The following MIPOL1 variants were observed in gnomAD, a reference collection of about 807,000 sequenced individuals.
The protein encoded by MIPOL1 is mirror-image polydactyly gene 1 protein.
A neutral mutation model predicts 60.9 loss-of-function variants in MIPOL1; 57 were observed. The observed-to-expected ratio is 0.94, with a 90% CI of 0.76 to 1.17. MIPOL1 has a LOEUF of 1.17. Ranked by LOEUF, MIPOL1 falls within the 50% of genes most tolerant of loss-of-function variation. The pLI is 0.00. For missense variants in MIPOL1, 551 were observed against 511.6 expected, an observed-to-expected ratio of 1.08 and a Z score of -0.74; for synonymous variants, 179 against 168.8, an observed-to-expected ratio of 1.06 and a Z score of -0.47.
intron 9 of MIPOL1, among the ~76,000 whole-genome samples, chr14:37,363,864 C>T (rs2092376397): frequency 6.6e-6 from 1 of 152,192 alleles, no homozygotes; most frequent in South Asian, 2.1e-4. Context: ...CCCAGCCAAG[C>T]TGCAGCCTCA....
intron 1 of MIPOL1, among the ~76,000 whole-genome samples, chr14:37,222,537 A>G (rs1223272595): frequency 6.6e-6 from 1 of 152,082 alleles, no homozygotes; most frequent in Admixed American, 6.5e-5. Flanking sequence ...TCTGCCTTCC[A>G]TAAAGCCTTT....
intron 11 of MIPOL1, among the ~76,000 whole-genome samples, chr14:37,437,974 C>G (rs953012219): frequency 6.6e-6 from 1 of 151,974 alleles, no homozygotes. Flanking sequence ...ACACAATATG[C>G]AATCATTTGA....
chr14:37,321,476 A>G (rs1290104036), intron 9 of MIPOL1, among the ~76,000 whole-genome samples: 1 of 152,008 alleles, frequency 6.6e-6, no homozygotes, highest in Non-Finnish European at 1.5e-5. Flanking sequence ...TTCAATCCTT[A>G]GAAATTTTTT....
At chr14:37,452,253 A>G (rs538817621) in intron 11 of MIPOL1, among the ~76,000 whole-genome samples, 1 of 152,348 alleles carries the variant, frequency 6.6e-6, no homozygotes, top group East Asian at 1.9e-4. Context: ...AGTGTTATTA[A>G]TATCTTAAAA....
At chr14:37,545,696 A>G in intron 12 of MIPOL1, 1 of 651,238 alleles carries the variant, frequency 1.5e-6, no homozygotes, top group Non-Finnish European at 2.8e-6. Flanking sequence ...CATCCAATAA[A>G]CTTCAGCTAG....
At chr14:37,209,513 A>G (rs1199463715) in intron 1 of MIPOL1, among the ~76,000 whole-genome samples, 1 of 151,804 alleles carries the variant, frequency 6.6e-6, no homozygotes, top group Non-Finnish European at 1.5e-5. Flanking sequence ...TACAAAAATT[A>G]CCTGGGCATG....
chr14:37,425,775 A>G (rs868622036), intron 11 of MIPOL1, among the ~76,000 whole-genome samples: 6 of 152,212 alleles, frequency 3.9e-5, no homozygotes, highest in Non-Finnish European at 5.9e-5. Context: ...AAGATTTCCC[A>G]TAGGAAAAAA....
chr14:37,498,337 C>G (rs2095164582), intron 11 of MIPOL1, among the ~76,000 whole-genome samples: 1 of 152,076 alleles, frequency 6.6e-6, no homozygotes. Context: ...TAAAATATAA[C>G]TAATGTTTTA....
chr14:37,204,722 G>A (rs770340820), intron 1 of MIPOL1, among the ~76,000 whole-genome samples: 11 of 152,010 alleles, frequency 7.2e-5, no homozygotes, highest in Admixed American at 2.6e-4. Context: ...GCGTGAAAAC[G>A]GACTAACACA....
intron 11 of MIPOL1, among the ~76,000 whole-genome samples, chr14:37,443,753 A>G (rs2094289219): frequency 1.4e-5 from 2 of 143,756 alleles, no homozygotes; most frequent in South Asian, 4.7e-4. Context: ...TAGGCTCAAA[A>G]AAAAAAAAAA....
Position 37,203,877 on chromosome 14 carries a change from G to A in MIPOL1, c.-199+5773G>A, listed in dbSNP as rs546375114. 2.6e-5 allele frequency among the ~76,000 whole-genome samples: 4 copies of A among 152,266 alleles called. No individual in the cohort carries two copies. In the East Asian group the frequency reaches 5.8e-4, roughly 22 times the overall value. The stretch of plus-strand genomic sequence containing the variant: ...GGCTCACTGCAACCTCCGCCTCCCG[G>A]GTTCAAGCAATTCTCCTGCCTCAGC... On this transcript the variant is annotated intron_variant, in intron 1 of 12. Transcript: ENST00000684589.
chr14:37,388,518 T>C (rs1475320481), intron 10 of MIPOL1, among the ~76,000 whole-genome samples: 2 of 151,034 alleles, frequency 1.3e-5, no homozygotes, highest in Non-Finnish European at 3.0e-5. Context: ...TTTCAATCAA[T>C]TTTGTTGACA....
intron 1 of MIPOL1, among the ~76,000 whole-genome samples, chr14:37,223,231 C>G (rs1567047352): frequency 6.6e-6 from 1 of 151,900 alleles, no homozygotes; most frequent in Admixed American, 6.6e-5. Context: ...TGGGGTTTTA[C>G]CATGTTGGCC....
chr14:37,244,322 C>T (rs929140314), intron 1 of MIPOL1, among the ~76,000 whole-genome samples: 7 of 151,624 alleles, frequency 4.6e-5, no homozygotes, highest in South Asian at 4.2e-4. Context: ...GGGGTTTCAC[C>T]ATGTTGGCCA....
chr14:37,462,023 G>T (rs1001833440), intron 11 of MIPOL1, among the ~76,000 whole-genome samples: 3 of 152,166 alleles, frequency 2.0e-5, no homozygotes, highest in Admixed American at 6.5e-5. Context: ...TAGAGACTCT[G>T]TGTAGGGGCT....
At chr14:37,282,785 T>A (rs2084232656) in intron 6 of MIPOL1, among the ~76,000 whole-genome samples, 1 of 149,406 alleles carries the variant, frequency 6.7e-6, no homozygotes, top group Admixed American at 6.7e-5. Context: ...GTAGTTATGA[T>A]TTATTTCTTA....
At chr14:37,473,522 A>C (rs1165112162) in intron 11 of MIPOL1, among the ~76,000 whole-genome samples, 1 of 151,756 alleles carries the variant, frequency 6.6e-6, no homozygotes, top group Non-Finnish European at 1.5e-5. Flanking sequence ...TTCAGTTTTC[A>C]CTCCTACTCT....
intron 1 of MIPOL1, among the ~76,000 whole-genome samples, chr14:37,243,959 T>G (rs1037943837): frequency 1.3e-5 from 2 of 152,044 alleles, no homozygotes; most frequent in Non-Finnish European, 2.9e-5. Flanking sequence ...TTGTTTAAAT[T>G]TTTTCAACCT....
chr14:37,530,820 G>A (rs2095474263), intron 12 of MIPOL1, among the ~76,000 whole-genome samples: 2 of 149,636 alleles, frequency 1.3e-5, no homozygotes, highest in Admixed American at 1.3e-4. Context: ...ATGTAGAAAG[G>A]ATTTTTTTTT....
Sources: allele counts gnomAD v4.1 joint callset (sites outside exome capture counted in the v4.1 genomes callset), GRCh38; gene constraint gnomAD v4.1.1; transcripts MANE v1.5; gene names NCBI Gene and HGNC (gene_info 2026-07-23, HGNC 2026-07-21).